SGCZ: variants seen among roughly 807,000 people sequenced by gnomAD.
SGCZ encodes sarcoglycan zeta.
In SGCZ, 40 loss-of-function variants were observed where a neutral mutation model predicts 41.3. That is an observed-to-expected ratio of 0.97 (90% confidence interval 0.75 to 1.26). The LOEUF (loss-of-function observed/expected upper bound fraction) is 1.26, where lower values mean the gene tolerates loss of function less well. Among genes scored for constraint, SGCZ ranks in the 50% most tolerant of loss-of-function variants. The pLI, the probability that SGCZ is intolerant of heterozygous loss-of-function variation, is 0.00. For missense variants in SGCZ, 552 were observed against 369.8 expected (o/e 1.49, Z -4.04); for synonymous variants, 206 against 137.5 (o/e 1.50, Z -3.49).
At chr8:15,156,959 A>G (rs1799349772) in intron 1 of SGCZ, among the ~76,000 whole-genome samples, 1 of 150,592 alleles carries the variant, frequency 6.6e-6, no homozygotes, top group South Asian at 2.1e-4. Flanking sequence ...AAAAAAAAAA[A>G]GAAAAGAAAA....
intron 2 of SGCZ, among the ~76,000 whole-genome samples, chr8:14,446,399 G>A (rs1201387408): frequency 6.6e-6 from 1 of 152,048 alleles, no homozygotes; most frequent in African/African-American, 2.4e-5. Flanking sequence ...CTCTTTGTGG[G>A]TCTGATATAT....
At chr8:14,299,389 A>G (rs1005320748) in intron 3 of SGCZ, among the ~76,000 whole-genome samples, 4 of 152,030 alleles carry the variant, frequency 2.6e-5, no homozygotes, top group African/African-American at 9.7e-5. Flanking sequence ...TAGACTCACT[A>G]AATATATTCA....
intron 6 of SGCZ, among the ~76,000 whole-genome samples, chr8:14,103,838 T>G (rs1293465709): frequency 6.7e-6 from 1 of 150,186 alleles, no homozygotes; most frequent in East Asian, 1.9e-4. Context: ...AGACAATCAC[T>G]CACAATCCTA....
chr8:14,149,414 TC>T (rs1279264887), intron 5 of SGCZ, among the ~76,000 whole-genome samples: 1 of 151,948 alleles, frequency 6.6e-6, no homozygotes, highest in Admixed American at 6.6e-5. Flanking sequence ...ATAAAATTCA[TC>T]CCATTTACAA....
chr8:14,217,137 C>T (rs1585241656), intron 4 of SGCZ, among the ~76,000 whole-genome samples: 1 of 151,774 alleles, frequency 6.6e-6, no homozygotes, highest in Non-Finnish European at 1.5e-5. Flanking sequence ...AATACGCACA[C>T]ACACAAAAAG....
At chr8:14,196,916 A>G (rs1360672069) in intron 4 of SGCZ, among the ~76,000 whole-genome samples, 5 of 152,174 alleles carry the variant, frequency 3.3e-5, no homozygotes, top group African/African-American at 9.6e-5. Flanking sequence ...CCATATTTAT[A>G]TATAGAGAAA....
At chr8:14,268,419 T>G (rs1301573981) in intron 3 of SGCZ, among the ~76,000 whole-genome samples, 1 of 151,330 alleles carries the variant, frequency 6.6e-6, no homozygotes, top group Non-Finnish European at 1.5e-5. Context: ...GCCTCTGACT[T>G]TCCAATTTCA....
At chr8:15,193,721 G>A (rs1800616914) in intron 1 of SGCZ, among the ~76,000 whole-genome samples, 1 of 151,298 alleles carries the variant, frequency 6.6e-6, no homozygotes, top group South Asian at 2.1e-4. Context: ...AGTAGCTACT[G>A]TTGAGTTGTA....
At chr8:14,313,133 A>T (rs1448063260) in intron 3 of SGCZ, among the ~76,000 whole-genome samples, 1 of 152,182 alleles carries the variant, frequency 6.6e-6, no homozygotes, top group Non-Finnish European at 1.5e-5. Context: ...AGAGTATTCT[A>T]ATGAGTATGC....
chr8:14,183,886 G>T (rs1804815718), intron 4 of SGCZ, among the ~76,000 whole-genome samples: 1 of 151,972 alleles, frequency 6.6e-6, no homozygotes, highest in South Asian at 2.1e-4. Flanking sequence ...AATAAACAAA[G>T]CTAAATTACT....
At chr8:14,112,419 C>T (rs1802404597) in intron 5 of SGCZ, among the ~76,000 whole-genome samples, 1 of 152,036 alleles carries the variant, frequency 6.6e-6, no homozygotes, top group African/African-American at 2.4e-5. Context: ...AGCCCTATGG[C>T]ACTTGACAGG....
chr8:14,932,724 T>A (rs1799953528), intron 1 of SGCZ, among the ~76,000 whole-genome samples: 1 of 152,086 alleles, frequency 6.6e-6, no homozygotes, highest in Admixed American at 6.5e-5. Flanking sequence ...TGTGTAATTT[T>A]TTAAAAAATT....
intron 1 of SGCZ, among the ~76,000 whole-genome samples, chr8:15,162,700 T>A (rs1360862149): frequency 6.6e-6 from 1 of 152,258 alleles, no homozygotes; most frequent in Non-Finnish European, 1.5e-5. Flanking sequence ...CTTATCATCA[T>A]CTTCTGAACC....
chr8:14,267,566 A>G (rs1190996754), intron 3 of SGCZ, among the ~76,000 whole-genome samples: 1 of 152,030 alleles, frequency 6.6e-6, no homozygotes, highest in East Asian at 1.9e-4. Flanking sequence ...TGATGCTATT[A>G]TGCATAATAT....
chr8:14,406,305 C>T (rs1184965321), intron 2 of SGCZ, among the ~76,000 whole-genome samples: 1 of 152,100 alleles, frequency 6.6e-6, no homozygotes, highest in Admixed American at 6.6e-5. Context: ...CATCATGCCC[C>T]ACTCTATTCA....
At chr8:14,773,190 AT>A (rs1211428836) in intron 1 of SGCZ, among the ~76,000 whole-genome samples, 1 of 152,044 alleles carries the variant, frequency 6.6e-6, no homozygotes. Flanking sequence ...GATGATGAGC[AT>A]TTTTTCATGT....
intron 1 of SGCZ, among the ~76,000 whole-genome samples, chr8:15,196,002 A>G (rs1260193658): frequency 8.0e-6 from 1 of 125,602 alleles, no homozygotes; most frequent in Non-Finnish European, 1.7e-5. Context: ...GGTTCACGCC[A>G]TTCTCCTGCC....
intron 1 of SGCZ, among the ~76,000 whole-genome samples, chr8:14,784,913 A>AAAAATATATATATATAT (rs1408574493): frequency 9.1e-5 from 8 of 88,018 alleles, no homozygotes; most frequent in African/African-American, 3.3e-4. Context: ...AAAAAAAAAA[A>AAAAATATATATATATAT]ATATATATAT....
intron 1 of SGCZ, among the ~76,000 whole-genome samples, chr8:14,742,311 GCTCA>G (rs1799218303): frequency 3.3e-5 from 5 of 151,820 alleles, no homozygotes; most frequent in Admixed American, 2.0e-4. Context: ...GTGCACGCGC[GCTCA>G]CACACACACA....
Sources: gnomAD v4.1 joint callset for allele counts (sites outside exome capture counted in the v4.1 genomes callset) on GRCh38, gnomAD v4.1.1 for gene constraint, MANE v1.5 for transcripts, NCBI Gene and HGNC (gene_info 2026-07-23, HGNC 2026-07-21) for gene names.